Variants in ZNF618 observed in about 807,000 individuals in gnomAD.
ZNF618 encodes the protein zinc finger protein 618.
A neutral mutation model predicts 103.0 loss-of-function variants in ZNF618; 34 were observed. That is an observed-to-expected ratio of 0.33 (90% confidence interval 0.25 to 0.44). The LOEUF is 0.44. Ranked by LOEUF, ZNF618 falls within the 20% of genes least tolerant of loss-of-function variation. ZNF618 has a pLI of 1.00. For synonymous variants in ZNF618, 551 were observed against 542.2 expected (o/e 1.02, Z -0.23); for missense variants, 1,059 against 1,295.4 (o/e 0.82, Z 2.80).
intron 1 of ZNF618, among the ~76,000 whole-genome samples, chr9:113,880,637 C>T (rs1828425059): frequency 6.6e-6 from 1 of 152,124 alleles, no homozygotes; most frequent in African/African-American, 2.4e-5. Context: ...TTTAGTGAAT[C>T]ACAATCAGAA....
In ZNF618 at chr9:113,962,152, A is replaced by G. The variant is rs566764849; in HGVS notation, c.34-6965A>G. 9.2e-5 allele frequency among the ~76,000 whole-genome samples: 14 copies of G among 152,234 alleles called. No individual in the cohort carries two copies. In the South Asian group the frequency reaches 2.7e-3, roughly 29 times the overall value. On this transcript the variant is annotated intron_variant, in intron 1 of 14. Transcript: ENST00000374126. ...AACTTATCTGTAAAGTACTGTGCTGATGGTTAGTATTCTCATGTGTGGGAG... is the reference window on the plus strand; with the variant it reads ...AACTTATCTGTAAAGTACTGTGCTGGTGGTTAGTATTCTCATGTGTGGGAG...
At chr9:113,914,059 C>T (rs1198480549) in intron 1 of ZNF618, among the ~76,000 whole-genome samples, 1 of 152,112 alleles carries the variant, frequency 6.6e-6, no homozygotes, top group Non-Finnish European at 1.5e-5. Context: ...CAACCTGGAC[C>T]ACCCTTTCCC....
intron 1 of ZNF618, among the ~76,000 whole-genome samples, chr9:113,907,188 TGTTGGA>T (rs1461120145): frequency 2.0e-5 from 3 of 152,224 alleles, no homozygotes; most frequent in Non-Finnish European, 4.4e-5. Flanking sequence ...TTGATTCTCT[TGTTGGA>T]GTTGGGGGCT....
chr9:113,971,903 G>A (rs765707863), intron 2 of ZNF618, among the ~76,000 whole-genome samples: 79 of 152,214 alleles, frequency 5.2e-4, no homozygotes, highest in African/African-American at 8.9e-4. Context: ...CCATGGCGCC[G>A]GAATATGCAT....
intron 6 of ZNF618, among the ~76,000 whole-genome samples, chr9:114,005,557 G>A (rs1345699062): frequency 1.3e-5 from 2 of 152,176 alleles, no homozygotes; most frequent in African/African-American, 4.8e-5. Context: ...ACAAGCAAGT[G>A]GGCAGGTGGC....
At chr9:113,966,809 C>T (rs1339044691) in intron 1 of ZNF618, among the ~76,000 whole-genome samples, 4 of 152,188 alleles carry the variant, frequency 2.6e-5, no homozygotes, top group East Asian at 1.9e-4. Context: ...TCTAGTTGCC[C>T]CAGTTTCCCA....
At chr9:113,987,028 G>A (rs1839550593) in intron 2 of ZNF618, among the ~76,000 whole-genome samples, 2 of 152,194 alleles carry the variant, frequency 1.3e-5, no homozygotes, top group African/African-American at 4.8e-5. Context: ...TGGAATGCTG[G>A]CATTCTCTGT....
intron 2 of ZNF618, among the ~76,000 whole-genome samples, chr9:113,981,516 A>G (rs1838972680): frequency 6.6e-6 from 1 of 152,220 alleles, no homozygotes; most frequent in African/African-American, 2.4e-5. Flanking sequence ...GGTGCTGAGC[A>G]TTGCTCACGT....
intron 12 of ZNF618, 48 bp from the exon 13 acceptor site, chr9:114,036,252 T>A (rs966445260): frequency 2.6e-6 from 4 of 1,532,322 alleles, no homozygotes; most frequent in Non-Finnish European, 3.5e-6. Flanking sequence ...GCAGAAGGTG[T>A]CTGCGTCGGT....
In ZNF618 at chr9:113,890,517, C is replaced by T. The variant is rs7852607; in HGVS notation, c.33+14104C>T. On this transcript the variant is annotated intron_variant, in intron 1 of 14. Transcript: ENST00000374126. ...TATGCATGGCCCAAAATTCAGTGTG[C>T]GATTAGATTTTGGTTATTTCTAATT... is the stretch of plus-strand genomic sequence containing the variant. 4.8e-4 allele frequency among the ~76,000 whole-genome samples: 73 copies of T among 152,250 alleles called. 1 individual carries two copies. Among genetic ancestry groups the T allele is most frequent in the South Asian group, 3.3e-3 (16 of 4,820 alleles).
At chr9:114,035,611 CCTT>C (rs1844518809) in intron 12 of ZNF618, among the ~76,000 whole-genome samples, 1 of 83,590 alleles carries the variant, frequency 1.2e-5, no homozygotes, top group Admixed American at 1.2e-4. Context: ...TTCCTTCTGT[CCTT>C]CTCCCTCTTC....
intron 11 of ZNF618, among the ~76,000 whole-genome samples, chr9:114,032,298 A>G (rs890367564): frequency 2.0e-5 from 3 of 152,178 alleles, no homozygotes; most frequent in Non-Finnish European, 4.4e-5. Context: ...GGTAGATCCA[A>G]TGATTTGCTG....
At chr9:114,012,022 T>TA (rs372244026) in intron 9 of ZNF618, among the ~76,000 whole-genome samples, 8,232 of 138,210 alleles carry the variant, frequency 0.06, 255 homozygotes, top group Non-Finnish European at 0.079. Context: ...CTTGAATAGT[T>TA]AAAAAAAAAA....
chr9:114,050,293 G>A lies in ZNF618; in HGVS notation c.*126G>A. 1 of 1,190,530 alleles carries A rather than the reference G, an allele frequency of 8.4e-7. No individual in the cohort carries two copies. The highest frequency in any genetic ancestry group is 1.2e-6 in the Non-Finnish European group (1 of 866,502). The allele number at this position is 1,190,530 out of a possible 1,614,324, so 73.7% of individuals were successfully genotyped here. On this transcript the variant is annotated 3_prime_UTR_variant, in exon 15 of 15. Transcript: ENST00000374126. ...GTGGACCTCATTATAAATGCCCCCT[G>A]GAAACTTAAGTGCTTTTTTTATATG...
chr9:114,040,621 G>A (rs1166397630), intron 13 of ZNF618, among the ~76,000 whole-genome samples: 1 of 152,080 alleles, frequency 6.6e-6, no homozygotes. Flanking sequence ...GAGAATGATG[G>A]TTTCCAGCTT....
intron 2 of ZNF618, among the ~76,000 whole-genome samples, chr9:113,972,352 A>T (rs994498271): frequency 1.3e-5 from 2 of 152,140 alleles, no homozygotes; most frequent in African/African-American, 4.8e-5. Flanking sequence ...CCCACCCTTT[A>T]TTTATTAATT....
At chr9:113,995,395 T>C (rs2066174803) in intron 3 of ZNF618, among the ~76,000 whole-genome samples, 1 of 152,222 alleles carries the variant, frequency 6.6e-6, no homozygotes, top group Admixed American at 6.5e-5. Context: ...AATGCATCTC[T>C]TAATGAAATG....
chr9:113,904,571 C>G (rs1830821988), intron 1 of ZNF618, among the ~76,000 whole-genome samples: 1 of 152,124 alleles, frequency 6.6e-6, no homozygotes. Flanking sequence ...TATTTGTTTC[C>G]TTTGACTGCT....
intron 1 of ZNF618, among the ~76,000 whole-genome samples, chr9:113,952,720 C>G (rs1025661263): frequency 2.8e-4 from 42 of 152,170 alleles, no homozygotes; most frequent in Non-Finnish European, 5.0e-4. Context: ...TCTGAGAAGT[C>G]TCAGGAAAGT....
Sources: gnomAD v4.1 joint callset for allele counts (sites outside exome capture counted in the v4.1 genomes callset) on GRCh38, gnomAD v4.1.1 for gene constraint, MANE v1.5 for transcripts, NCBI Gene and HGNC (gene_info 2026-07-23, HGNC 2026-07-21) for gene names.